The following HS6ST3 variants were observed in gnomAD, a reference collection of about 807,000 sequenced individuals.
HS6ST3 encodes the protein heparan-sulfate 6-O-sulfotransferase 3.
In HS6ST3, 12 loss-of-function variants were observed where a neutral mutation model predicts 36.7. The ratio of observed to expected loss-of-function variants is 0.33; its 90% CI spans 0.21 to 0.53. The LOEUF (loss-of-function observed/expected upper bound fraction) is 0.53, where lower values mean the gene tolerates loss of function less well. Among genes scored for constraint, HS6ST3 ranks in the 20% least tolerant of loss-of-function variants. The pLI is 0.95. For synonymous variants in HS6ST3, 240 were observed against 257.5 expected (o/e 0.93, Z 0.65); for missense variants, 584 against 640.9 (o/e 0.91, Z 0.96).
Position 96,500,966 on chromosome 13 carries a change from T to G in HS6ST3, c.708-331524T>G, listed in dbSNP as rs186788413. ...GACAGATTACAATTTATAATGCAGT[T>G]TGGCAATCTCAAGCTCTCTCTCTCT... is the stretch of plus-strand genomic sequence containing the variant. On this transcript the variant is annotated intron_variant, in intron 1 of 1. Coordinates refer to ENST00000376705, the MANE Select transcript of HS6ST3 (RefSeq NM_153456.4). 1.3e-3 allele frequency among the ~76,000 whole-genome samples: 197 copies of G among 152,302 alleles called. 1 individual carries two copies. The highest frequency in any genetic ancestry group is 4.6e-3 in the African/African-American group (190 of 41,568).
chr13:96,441,043 T>C (rs2139480196), intron 1 of HS6ST3, among the ~76,000 whole-genome samples: 1 of 152,234 alleles, frequency 6.6e-6, no homozygotes, highest in Middle Eastern at 3.4e-3. Context: ...AGCAGCCTTA[T>C]AAAATGAGGC....
chr13:96,507,446 C>T (rs1265672806), intron 1 of HS6ST3, among the ~76,000 whole-genome samples: 2 of 152,044 alleles, frequency 1.3e-5, no homozygotes, highest in Non-Finnish European at 2.9e-5. Context: ...GCTCTGATCT[C>T]TGGAAGAGGA....
chr13:96,171,510 C>A (rs942656232), intron 1 of HS6ST3, among the ~76,000 whole-genome samples: 1 of 152,124 alleles, frequency 6.6e-6, no homozygotes, highest in Non-Finnish European at 1.5e-5. Flanking sequence ...TGACAATATT[C>A]TTCTCCCAGT....
intron 1 of HS6ST3, among the ~76,000 whole-genome samples, chr13:96,256,046 G>A (rs557259969): frequency 2.6e-5 from 4 of 152,248 alleles, no homozygotes; most frequent in African/African-American, 9.6e-5. Context: ...TATTAGCACT[G>A]ACATTAGCAT....
At position 96,260,515 on chromosome 13, in the gene HS6ST3, A is replaced by G. The variant is rs533886633; in HGVS notation, c.707+168946A>G. Among the ~76,000 whole-genome samples, 16 of 151,638 alleles carry G rather than the reference A, an allele frequency of 1.1e-4. No individual in the cohort carries two copies. The South Asian group carries it at 3.3e-3, about 32-fold the overall frequency. On this transcript the variant is annotated intron_variant, in intron 1 of 1. Transcript: ENST00000376705. ...TTTTTACTAGAGACGGGGTTTCACCATGTTAGCCAGGATAGTCTCGATTTC... is the reference window on the plus strand; with the variant it reads ...TTTTTACTAGAGACGGGGTTTCACCGTGTTAGCCAGGATAGTCTCGATTTC...
chr13:96,104,573 C>G (rs908317530), intron 1 of HS6ST3, among the ~76,000 whole-genome samples: 5 of 152,228 alleles, frequency 3.3e-5, no homozygotes, highest in Admixed American at 6.5e-5. Context: ...GCAAACCAAC[C>G]TATCTAGAGC....
intron 1 of HS6ST3, among the ~76,000 whole-genome samples, chr13:96,226,496 G>A (rs749550250): frequency 3.9e-5 from 6 of 151,960 alleles, no homozygotes; most frequent in Admixed American, 2.6e-4. Context: ...CTCCAGCCCC[G>A]GCAACAAGAG....
chr13:96,110,626 T>C (rs2053863861), intron 1 of HS6ST3, among the ~76,000 whole-genome samples: 1 of 151,894 alleles, frequency 6.6e-6, no homozygotes, highest in South Asian at 2.1e-4. Context: ...TTAGTAGAGA[T>C]GGGGTTTCAC....
At chr13:96,491,001 T>C (rs2055942485) in intron 1 of HS6ST3, among the ~76,000 whole-genome samples, 1 of 152,190 alleles carries the variant, frequency 6.6e-6, no homozygotes, top group African/African-American at 2.4e-5. Context: ...TTGAGACTGC[T>C]TGGGAGCCAT....
At chr13:96,335,163 G>A (rs2055094160) in intron 1 of HS6ST3, among the ~76,000 whole-genome samples, 2 of 152,242 alleles carry the variant, frequency 1.3e-5, no homozygotes, top group Admixed American at 1.3e-4. Context: ...TGTGTGCCAT[G>A]TGCCCATCAA....
chr13:96,527,542 C>T (rs1039600634), intron 1 of HS6ST3, among the ~76,000 whole-genome samples: 1 of 152,206 alleles, frequency 6.6e-6, no homozygotes, highest in South Asian at 2.1e-4. Context: ...GAGCAGAGTA[C>T]GAGAATTTCC....
In HS6ST3 at chr13:96,499,456, C is replaced by T. The variant is rs1013507438; in HGVS notation, c.708-333034C>T. On this transcript the variant is annotated intron_variant, in intron 1 of 1. Coordinates refer to ENST00000376705, the MANE Select transcript of HS6ST3 (RefSeq NM_153456.4). ...TACCCTGGAGGAGCTTACATTCTAG[C>T]AGAGGGAGACCTTGCTTGTTTACTG... Among the ~76,000 whole-genome samples, 8 of 152,248 alleles carry T rather than the reference C, an allele frequency of 5.3e-5. No individual in the cohort carries two copies. In the East Asian group the frequency reaches 1.5e-3, roughly 29 times the overall value.
chr13:96,647,772 T>A (rs1395637962), intron 1 of HS6ST3, among the ~76,000 whole-genome samples: 1 of 152,044 alleles, frequency 6.6e-6, no homozygotes, highest in Non-Finnish European at 1.5e-5. Flanking sequence ...GAATCTGTTA[T>A]ACTTTCATTT....
At chr13:96,221,177 A>G (rs182897597) in intron 1 of HS6ST3, among the ~76,000 whole-genome samples, 1 of 152,200 alleles carries the variant, frequency 6.6e-6, no homozygotes, top group Admixed American at 6.6e-5. Context: ...TTGAGAAACT[A>G]CTTTGTGATA....
rs146461015 is a variant in HS6ST3 at position 96,594,065 on chromosome 13, T to A, written c.708-238425T>A. Among the ~76,000 whole-genome samples, 1,014 of 152,020 alleles carry A rather than the reference T, an allele frequency of 6.7e-3. 13 individuals carry two copies. Among genetic ancestry groups the A allele is most frequent in the African/African-American group, 0.023 (974 of 41,474 alleles). On this transcript the variant is annotated intron_variant, in intron 1 of 1. Transcript: ENST00000376705. The stretch of plus-strand genomic sequence containing the variant: ...TCAGCTCACCACAACCTCCGCCTCC[T>A]GGGTTCAAGCAATTCTCCTGCCTCA...
intron 1 of HS6ST3, among the ~76,000 whole-genome samples, chr13:96,757,577 T>C (rs1876864229): frequency 6.6e-6 from 1 of 152,326 alleles, no homozygotes; most frequent in Non-Finnish European, 1.5e-5. Flanking sequence ...GATTTCAATA[T>C]TCTATCACCA....
chr13:96,132,750 G>C (rs529876802), intron 1 of HS6ST3, among the ~76,000 whole-genome samples: 1 of 152,152 alleles, frequency 6.6e-6, no homozygotes, highest in African/African-American at 2.4e-5. Context: ...TAGTGTACAG[G>C]TGTCCCTTTT....
chr13:96,347,066 A>G (rs2055159615), intron 1 of HS6ST3, among the ~76,000 whole-genome samples: 1 of 152,120 alleles, frequency 6.6e-6, no homozygotes, highest in African/African-American at 2.4e-5. Context: ...TCCTTGGTTG[A>G]GGCTACAGAT....
chr13:96,093,585 AT>A lies in HS6ST3; in HGVS notation c.707+2025del, dbSNP rs1182441262. On this transcript the variant is annotated intron_variant, in intron 1 of 1. Transcript: ENST00000376705. ...GTTTCCTTTCTTTCTAAAAAAAAAA[AT>A]TTTTTTTTGGTAGTATTTTGTTTTT... Among the ~76,000 whole-genome samples, 216 of 151,512 alleles carry A rather than the reference AT, an allele frequency of 1.4e-3. 1 individual carries two copies. Among genetic ancestry groups the A allele is most frequent in the African/African-American group, 4.8e-3 (197 of 41,310 alleles).
Sources: gnomAD v4.1 joint callset for allele counts (sites outside exome capture counted in the v4.1 genomes callset) on GRCh38, gnomAD v4.1.1 for gene constraint, MANE v1.5 for transcripts, NCBI Gene and HGNC (gene_info 2026-07-23, HGNC 2026-07-21) for gene names.